The following URI1 variants were observed in gnomAD, a reference collection of about 807,000 sequenced individuals.
The protein encoded by URI1 is unconventional prefoldin RPB5 interactor 1.
URI1 carries 39 observed loss-of-function variants against 60.2 expected under a neutral mutation model. The ratio of observed to expected loss-of-function variants is 0.65; its 90% CI spans 0.50 to 0.85. URI1 has a LOEUF of 0.85. Ranked by LOEUF, URI1 falls within the 40% of genes least tolerant of loss-of-function variation. The pLI is 0.00. For synonymous variants in URI1, 251 were observed against 236.8 expected (o/e 1.06, Z -0.55); for missense variants, 691 against 665.9 (o/e 1.04, Z -0.42).
At chr19:30,007,334 G>A (rs2055956207) in intron 6 of URI1, 136 bp from the exon 7 acceptor site, 2 of 924,220 alleles carry the variant, frequency 2.2e-6, no homozygotes, top group Non-Finnish European at 3.2e-6. Flanking sequence ...CATCCTTGGA[G>A]TTCTGTTTGG....
intron 1 of URI1, 66 bp downstream of exon 1, chr19:29,942,730 C>G (rs1333944909): frequency 2.3e-6 from 3 of 1,303,984 alleles, no homozygotes; most frequent in Non-Finnish European, 2.9e-6. Context: ...TGCTCTGGGC[C>G]GCCGCCCCGC....
intron 1 of URI1, among the ~76,000 whole-genome samples, chr19:29,949,096 C>A (rs1404427532): frequency 1.3e-5 from 2 of 151,438 alleles, no homozygotes; most frequent in Non-Finnish European, 3.0e-5. Context: ...GGCGGAGACG[C>A]TCCTCACTTC....
rs754824698 is a variant in URI1 at position 30,015,018 on chromosome 19, T to C, written c.1557T>C (p.Thr519=). ...KEVLLEASEE[T]GKRVSKFKAA... ...TTCTGTTGGAAGCATCTGAAGAAAC[T>C]GGAAAGAGGGTTTCAAAGTTTAAAG... The change falls in exon 11 of 11, where the codon ACT becomes ACC. Residue 519 remains threonine, a synonymous_variant. Coordinates refer to ENST00000392271, the MANE Select transcript of URI1 (RefSeq NM_003796.3). 5 of 1,613,658 alleles carry C rather than the reference T, an allele frequency of 3.1e-6. No individual in the cohort carries two copies. Among genetic ancestry groups the C allele is most frequent in the Non-Finnish European group, 4.2e-6 (5 of 1,179,726 alleles).
intron 1 of URI1, among the ~76,000 whole-genome samples, chr19:29,924,511 C>T (rs938954332): frequency 6.6e-6 from 1 of 152,162 alleles, no homozygotes; most frequent in African/African-American, 2.4e-5. Context: ...CCTCATGACC[C>T]CTTGATTTCT....
upstream of URI1, among the ~76,000 whole-genome samples, chr19:29,940,245 T>C (rs2055010214): frequency 6.6e-6 from 1 of 151,818 alleles, no homozygotes; most frequent in Non-Finnish European, 1.5e-5. Flanking sequence ...AGTACTGGAG[T>C]GTCTAGGTGG....
In URI1 at chr19:30,009,234, GA is replaced by G; in HGVS notation, c.917del (p.Asp306ValfsTer20). On this transcript the variant is annotated frameshift_variant, in exon 8 of 11. Transcript: ENST00000392271. LOFTEE classifies it high-confidence loss of function. ...CAGTGATGATGATGATGATGATGAT[GA>G]TGACGACGACGACGACAACATTGAC... ...YHSDDDDDDD[D>X]DDDDDNIDDD... The G allele has an allele frequency of 6.5e-6, 10 of 1,533,824 alleles. No individual in the cohort carries two copies. The highest frequency in any genetic ancestry group is 8.0e-6 in the Non-Finnish European group (9 of 1,120,592).
intron 2 of URI1, among the ~76,000 whole-genome samples, chr19:29,981,669 C>T (rs1290021919): frequency 1.3e-5 from 2 of 151,992 alleles, no homozygotes; most frequent in Non-Finnish European, 2.9e-5. Context: ...GAGTTGAAGG[C>T]GGAACCTGAT....
rs1443427753 is a variant in URI1, at chr19:30,001,257, A to G, written c.368-4104A>G. Among the ~76,000 whole-genome samples, 3 of 152,008 alleles carry G rather than the reference A, an allele frequency of 2.0e-5. No homozygotes were observed. In the South Asian group the frequency reaches 6.2e-4, roughly 31 times the overall value. On this transcript the variant is annotated intron_variant, in intron 4 of 10. Coordinates refer to ENST00000392271, the MANE Select transcript of URI1 (RefSeq NM_003796.3). Reference sequence around the variant, plus strand: ...GTCAGGAAGCTCTGTGTGCATAGGCAAGGTTTGTTGACTGATAGGTATTTT... The same window carrying G: ...GTCAGGAAGCTCTGTGTGCATAGGCGAGGTTTGTTGACTGATAGGTATTTT...
Position 29,933,391 on chromosome 19 carries a change from G to A in URI1, c.63+9637G>A, listed in dbSNP as rs112922927. Among the ~76,000 whole-genome samples, 736 of 152,164 alleles carry A rather than the reference G, an allele frequency of 4.8e-3. 7 individuals carry two copies. Among genetic ancestry groups the A allele is most frequent in the African/African-American group, 0.017 (697 of 41,538 alleles). Reference sequence around the variant, plus strand: ...TTGTACATTTCATCTAAGGTTTTCTGATTTTTTGGAGTACAATTGTTTATA... The same window carrying A: ...TTGTACATTTCATCTAAGGTTTTCTAATTTTTTGGAGTACAATTGTTTATA... On this transcript the variant is annotated intron_variant, in intron 1 of 10. Coordinates refer to the URI1 transcript ENST00000360605.
rs1418483482 is a variant in URI1 at position 29,986,340 on chromosome 19, C to G, written c.290C>G (p.Thr97Ser). Reference protein sequence around the residue: ...PGKLVHTNEVTVLLGDNWFAK... With the variant: ...PGKLVHTNEVSVLLGDNWFAK... ...AAACTTGTCCATACTAATGAAGTCA[C>G]TGTTTTACTGGGGGACAACTGGTTT... is the stretch of plus-strand genomic sequence containing the variant. The change falls in exon 4 of 11, where the codon ACT (threonine) becomes AGT (serine). Residue 97 changes from threonine (T) to serine (S), a missense_variant. Transcript: ENST00000392271. 1 of 1,611,132 alleles carries G rather than the reference C, an allele frequency of 6.2e-7. No homozygotes were observed. The highest frequency in any genetic ancestry group is 1.1e-5 in the South Asian group (1 of 90,598).
chr19:30,015,432 T>G lies in URI1; in HGVS notation c.*363T>G. On this transcript the variant is annotated 3_prime_UTR_variant, in exon 11 of 11. Coordinates refer to ENST00000392271, the MANE Select transcript of URI1 (RefSeq NM_003796.3). The stretch of plus-strand genomic sequence containing the variant: ...CAGCTGTGATATTGTGCATACCATA[T>G]GGACCATTTTAAAGAAAATTTTAAA... The G allele has an allele frequency of 1.3e-6, 2 of 1,498,314 alleles. No individual in the cohort carries two copies. The highest frequency in any genetic ancestry group is 1.8e-6 in the Non-Finnish European group (2 of 1,132,684). The allele number at this position is 1,498,314 out of a possible 1,614,324, so 92.8% of individuals were successfully genotyped here.
Position 29,986,263 on chromosome 19 carries a change from CT to C in URI1, c.232-10del, listed in dbSNP as rs573560821. 345 of 1,505,804 alleles carry C rather than the reference CT, an allele frequency of 2.3e-4. No individual in the cohort carries two copies. Among genetic ancestry groups the C allele is most frequent in the South Asian group, 8.4e-4 (64 of 75,830 alleles). 93.3% of individuals were successfully genotyped at this position (1,505,804 alleles called of 1,614,324 possible). A position where few individuals can be genotyped will look rare whatever the true frequency, so the allele number is the denominator to read the frequency against. ...GTGTTTTATGTTTTTTCCCTTTTTT[CT>C]TTTTTTTTAAACAATAGGTACCATT... On this transcript the variant is annotated intron_variant, in intron 3 of 10. Coordinates refer to ENST00000392271, the MANE Select transcript of URI1 (RefSeq NM_003796.3).
chr19:29,940,424 G>A (rs548405678), upstream of URI1, among the ~76,000 whole-genome samples: 1 of 152,234 alleles, frequency 6.6e-6, no homozygotes, highest in East Asian at 1.9e-4. Context: ...CAAGGCGGGT[G>A]GATCACTTGA....
At position 30,015,506 on chromosome 19, in the gene URI1, G is replaced by T. The variant is rs1377768582; in HGVS notation, c.*437G>T. 6.6e-7 allele frequency: 1 copy of T among 1,524,072 alleles called. No homozygotes were observed. Among genetic ancestry groups the T allele is most frequent in the Admixed American group, 2.1e-5 (1 of 47,834 alleles). The allele number at this position is 1,524,072 out of a possible 1,614,324, so 94.4% of individuals were successfully genotyped here. On this transcript the variant is annotated 3_prime_UTR_variant, in exon 11 of 11. Transcript: ENST00000392271. ...CATTACTTGCTTTCACATTTTAAAG[G>T]CACTTTAAAAAAATCTACTTCTCTT...
chr19:29,939,278 A>AAGC (rs1555735270), upstream of URI1, among the ~76,000 whole-genome samples: 1 of 129,982 alleles, frequency 7.7e-6, no homozygotes. Flanking sequence ...CGCCTTGCCA[A>AAGC]TTTTTTTTTT....
chr19:29,995,526 A>C (rs2055800439), intron 4 of URI1, among the ~76,000 whole-genome samples: 1 of 137,596 alleles, frequency 7.3e-6, no homozygotes, highest in Admixed American at 7.7e-5. Flanking sequence ...TTGCCCTTTT[A>C]CTTTCTTCTT....
chr19:29,928,784 T>C (rs1442302609), intron 1 of URI1, among the ~76,000 whole-genome samples: 1 of 152,194 alleles, frequency 6.6e-6, no homozygotes, highest in Non-Finnish European at 1.5e-5. Context: ...TTGTTGTTTA[T>C]CTGAAATTCA....
At chr19:29,970,421 T>C (rs1462019950) in intron 1 of URI1, among the ~76,000 whole-genome samples, 3 of 152,112 alleles carry the variant, frequency 2.0e-5, no homozygotes, top group African/African-American at 7.2e-5. Context: ...AATTCTTAAA[T>C]TGTCATTCAA....
chr19:30,005,567 T>G (rs2055931144), intron 5 of URI1, 84 bp from the exon 6 acceptor site: 1 of 1,529,796 alleles, frequency 6.5e-7, no homozygotes, highest in African/African-American at 1.4e-5. Flanking sequence ...TCAGACATCT[T>G]AGGTTGAATA....
Sources: gnomAD v4.1 joint callset for allele counts (sites outside exome capture counted in the v4.1 genomes callset) on GRCh38, gnomAD v4.1.1 for gene constraint, MANE v1.5 for transcripts, NCBI Gene and HGNC (gene_info 2026-07-23, HGNC 2026-07-21) for gene names.